HS6ST3: variants seen among roughly 807,000 people sequenced by gnomAD.
HS6ST3 encodes heparan sulfate 6-O-sulfotransferase 3, also known as heparan-sulfate 6-O-sulfotransferase 3.
Under a neutral mutation model 36.7 loss-of-function variants are expected in HS6ST3, and 12 were observed. That is an observed-to-expected ratio of 0.33 (90% CI 0.21 to 0.53). HS6ST3 has a LOEUF of 0.53. Among genes scored for constraint, HS6ST3 ranks in the 20% least tolerant of loss-of-function variants. The pLI, the probability that HS6ST3 is intolerant of heterozygous loss-of-function variation, is 0.95. For synonymous variants in HS6ST3, 240 were observed against 257.5 expected (o/e 0.93, Z 0.65); for missense variants, 584 against 640.9 (o/e 0.91, Z 0.96).
chr13:96,539,433 G>A (rs2056169321), intron 1 of HS6ST3, among the ~76,000 whole-genome samples: 1 of 151,886 alleles, frequency 6.6e-6, no homozygotes, highest in Non-Finnish European at 1.5e-5. Context: ...TCCACTCACT[G>A]CAACCTCTGC....
At chr13:96,673,366 C>T (rs2056688560) in intron 1 of HS6ST3, among the ~76,000 whole-genome samples, 1 of 152,088 alleles carries the variant, frequency 6.6e-6, no homozygotes, top group South Asian at 2.1e-4. Context: ...CCGATATCTT[C>T]GGGTAGCTAT....
chr13:96,153,830 G>A (rs943206495), intron 1 of HS6ST3, among the ~76,000 whole-genome samples: 5 of 152,176 alleles, frequency 3.3e-5, no homozygotes, highest in Admixed American at 1.3e-4. Flanking sequence ...TATGCTAAAT[G>A]CACTTGCTAA....
At chr13:96,652,659 TG>T (rs759960174) in intron 1 of HS6ST3, among the ~76,000 whole-genome samples, 2 of 152,078 alleles carry the variant, frequency 1.3e-5, no homozygotes, top group Non-Finnish European at 2.9e-5. Flanking sequence ...CAAATTGTTT[TG>T]TATGTCTCTA....
chr13:96,737,524 C>T (rs1242266087), intron 1 of HS6ST3, among the ~76,000 whole-genome samples: 1 of 145,444 alleles, frequency 6.9e-6, no homozygotes, highest in Non-Finnish European at 1.5e-5. Flanking sequence ...ACTCGGGAGG[C>T]TGAGGCAGGA....
At position 96,517,903 on chromosome 13, in the gene HS6ST3, G is replaced by C. The variant is rs142970434; in HGVS notation, c.708-314587G>C. 3.5e-3 allele frequency among the ~76,000 whole-genome samples: 530 copies of C among 152,254 alleles called. 2 individuals carry two copies. Among genetic ancestry groups the C allele is most frequent in the African/African-American group, 0.012 (506 of 41,538 alleles). On this transcript the variant is annotated intron_variant, in intron 1 of 1. Coordinates refer to ENST00000376705, the MANE Select transcript of HS6ST3 (RefSeq NM_153456.4). ...AAATCATTCTACCATAAAGATACAT[G>C]CACGCAAATATTCATTGCACCGCTA...
At chr13:96,820,247 TA>T (rs376783950) in intron 1 of HS6ST3, among the ~76,000 whole-genome samples, 185 of 152,324 alleles carry the variant, frequency 1.2e-3, no homozygotes, top group African/African-American at 3.8e-3. Context: ...TTTGAAAACT[TA>T]AAAAAGTTAG....
intron 1 of HS6ST3, among the ~76,000 whole-genome samples, chr13:96,346,609 C>A (rs993213876): frequency 2.2e-4 from 33 of 151,776 alleles, no homozygotes; most frequent in Middle Eastern, 3.2e-3. Flanking sequence ...AAAACAAAGC[C>A]AGAAAAACAG....
chr13:96,442,967 A>G (rs1053369257), intron 1 of HS6ST3, among the ~76,000 whole-genome samples: 2 of 152,090 alleles, frequency 1.3e-5, no homozygotes, highest in Admixed American at 6.5e-5. Context: ...ATTTCAATCC[A>G]TAGAAAGAAT....
chr13:96,425,806 G>A (rs1164588), intron 1 of HS6ST3, among the ~76,000 whole-genome samples: 74,935 of 151,640 alleles, frequency 0.49, 18,895 homozygotes, highest in Non-Finnish European at 0.56. Flanking sequence ...TTTTTTGGGG[G>A]GAGATACATA....
At chr13:96,164,275 AAGCGTTTGC>A (rs1292503015) in intron 1 of HS6ST3, among the ~76,000 whole-genome samples, 2 of 152,172 alleles carry the variant, frequency 1.3e-5, no homozygotes, top group African/African-American at 4.8e-5. Context: ...GGCTAGTGTT[AAGCGTTTGC>A]AGTAACATGC....
chr13:96,766,092 A>G (rs1237088550), intron 1 of HS6ST3, among the ~76,000 whole-genome samples: 1 of 152,210 alleles, frequency 6.6e-6, no homozygotes, highest in African/African-American at 2.4e-5. Context: ...GAAAAAAAGC[A>G]TAAGAAAAAT....
rs557082010 is a variant in HS6ST3, at chr13:96,658,547, T to A, written c.708-173943T>A. Among the ~76,000 whole-genome samples the A allele has an allele frequency of 3.7e-3, 558 of 149,612 alleles. 5 individuals are homozygous for A. The highest frequency in any genetic ancestry group is 7.8e-3 in the African/African-American group (319 of 40,800). ...ATCTGCCTGCCTTGGCCTCCCAAAG[T>A]GCTGGGATTACAGGCATGAGCCACC... On this transcript the variant is annotated intron_variant, in intron 1 of 1. Coordinates refer to ENST00000376705, the MANE Select transcript of HS6ST3 (RefSeq NM_153456.4).
At chr13:96,731,284 A>G (rs571954315) in intron 1 of HS6ST3, among the ~76,000 whole-genome samples, 3 of 152,134 alleles carry the variant, frequency 2.0e-5, no homozygotes, top group Non-Finnish European at 4.4e-5. Context: ...CCATTCAACT[A>G]TTTCCATGAG....
chr13:96,227,063 T>G (rs1455679353), intron 1 of HS6ST3, among the ~76,000 whole-genome samples: 2 of 152,174 alleles, frequency 1.3e-5, no homozygotes, highest in Admixed American at 6.5e-5. Context: ...ATAGAAGTAT[T>G]TTTGGCCAAT....
chr13:96,595,223 A>G (rs1265077009), intron 1 of HS6ST3, among the ~76,000 whole-genome samples: 2 of 151,892 alleles, frequency 1.3e-5, no homozygotes, highest in African/African-American at 2.4e-5. Flanking sequence ...TTTTTCAAAT[A>G]TTTTGTAGAG....
chr13:96,137,593 C>T (rs1231091185), intron 1 of HS6ST3, among the ~76,000 whole-genome samples: 3 of 152,092 alleles, frequency 2.0e-5, no homozygotes, highest in African/African-American at 4.8e-5. Context: ...GCCACCACAC[C>T]TGGCTAATTT....
At chr13:96,537,320 G>A (rs1408818550) in intron 1 of HS6ST3, among the ~76,000 whole-genome samples, 1 of 152,076 alleles carries the variant, frequency 6.6e-6, no homozygotes, top group South Asian at 2.1e-4. Flanking sequence ...TATCTCCCAG[G>A]GGTCCCTCCC....
At chr13:96,503,076 G>A (rs1417473033) in intron 1 of HS6ST3, among the ~76,000 whole-genome samples, 1 of 152,080 alleles carries the variant, frequency 6.6e-6, no homozygotes, top group Non-Finnish European at 1.5e-5. Context: ...TGAAAATTTA[G>A]TGAGCTTCAT....
rs148480005 is a variant in HS6ST3 at position 96,680,339 on chromosome 13, A to G, written c.708-152151A>G. 6.5e-3 allele frequency among the ~76,000 whole-genome samples: 995 copies of G among 152,174 alleles called. 8 individuals are homozygous for G. Among genetic ancestry groups the G allele is most frequent in the African/African-American group, 0.023 (961 of 41,522 alleles). Reference sequence around the variant, plus strand: ...TAGTGCAGCCCAGTCCTGCAATTGGATATGTGGAACCTGACAATCTCCCTG... The same window carrying G: ...TAGTGCAGCCCAGTCCTGCAATTGGGTATGTGGAACCTGACAATCTCCCTG... On this transcript the variant is annotated intron_variant, in intron 1 of 1. Transcript: ENST00000376705.
Sources: allele counts gnomAD v4.1 joint callset (sites outside exome capture counted in the v4.1 genomes callset), GRCh38; gene constraint gnomAD v4.1.1; transcripts MANE v1.5; gene names NCBI Gene and HGNC (gene_info 2026-07-23, HGNC 2026-07-21).